The following LRRC8B variants were observed in gnomAD, a reference collection of about 807,000 sequenced individuals.
LRRC8B encodes volume-regulated anion channel subunit LRRC8B.
LRRC8B carries 23 observed loss-of-function variants against 58.8 expected under a neutral mutation model. That is an observed-to-expected ratio of 0.39 (90% confidence interval 0.28 to 0.55). The LOEUF is 0.55. Among genes scored for constraint, LRRC8B ranks in the 20% least tolerant of loss-of-function variants. LRRC8B has a pLI of 0.62. For missense variants in LRRC8B, 694 were observed against 936.0 expected (o/e 0.74, Z 3.37); for synonymous variants, 359 against 374.1 (o/e 0.96, Z 0.47).
chr1:89,568,288 C>CT lies in LRRC8B; in HGVS notation c.-196dup, dbSNP rs1653185876. On this transcript the variant is annotated 5_prime_UTR_variant, in exon 2 of 6. Transcript: ENST00000330947. ...TCTGTGAGAAGTCAGAAGGTGATCT[C>CT]TTTAATGCTTTCTTTTTAAGTAAGT... is the stretch of plus-strand genomic sequence containing the variant. The CT allele has an allele frequency of 6.6e-6, 1 of 152,090 alleles. No homozygotes were observed. Among genetic ancestry groups the CT allele is most frequent in the Non-Finnish European group, 1.5e-5 (1 of 67,980 alleles). The allele number at this position is 152,090 out of a possible 1,614,324, so 9.4% of individuals were successfully genotyped here.
intron 1 of LRRC8B, among the ~76,000 whole-genome samples, chr1:89,539,308 C>A (rs1650776768): frequency 6.6e-6 from 1 of 152,074 alleles, no homozygotes; most frequent in African/African-American, 2.4e-5. Context: ...CATCTGTATG[C>A]CCTGTTACTA....
rs761599638 is a variant in LRRC8B, at chr1:89,582,939, C to A, written c.289C>A (p.Leu97Ile). ...LPLPLRIQND[L>I]HRQQYSYIDA... ...GCTCCCCCTCCGAATTCAGAATGACCTCCACCGACAGCAGTACTCCTATAT... is the reference window on the plus strand; with the variant it reads ...GCTCCCCCTCCGAATTCAGAATGACATCCACCGACAGCAGTACTCCTATAT... The change falls in exon 5 of 6, where the codon CTC becomes ATC. Residue 97 changes from leucine (L) to isoleucine (I), a missense_variant. By Grantham distance (5) the Leu-to-Ile change is conservative (BLOSUM62 2). Transcript: ENST00000330947. 2 of 1,614,214 alleles carry A rather than the reference C, an allele frequency of 1.2e-6. No homozygotes were observed. The highest frequency in any genetic ancestry group is 2.2e-5 in the South Asian group (2 of 91,088).
intron 1 of LRRC8B, among the ~76,000 whole-genome samples, chr1:89,528,295 C>T (rs181017900): frequency 1.3e-5 from 2 of 152,328 alleles, no homozygotes; most frequent in East Asian, 3.9e-4. Flanking sequence ...TCTTCCTCTG[C>T]TCATCTCTCA....
chr1:89,579,207 G>A (rs1322961723), intron 3 of LRRC8B, among the ~76,000 whole-genome samples: 1 of 152,214 alleles, frequency 6.6e-6, no homozygotes, highest in Non-Finnish European at 1.5e-5. Context: ...TAGAAAAGCT[G>A]TGTTCATCTA....
At chr1:89,551,614 T>G (rs565681687) in intron 1 of LRRC8B, among the ~76,000 whole-genome samples, 1 of 152,182 alleles carries the variant, frequency 6.6e-6, no homozygotes. Context: ...GAATTCTCCC[T>G]GTCAAGAGAA....
chr1:89,593,039 G>T lies in LRRC8B; in HGVS notation c.2408G>T (p.Cys803Phe), dbSNP rs1469448727. ...TERLQTCLDK[C>F] ...CGTTTACAGACGTGCTTAGACAAAT[G>T]TTGACTTAAAGAAAAGAGACCCGTG... The change falls in exon 6 of 6, where the codon TGT becomes TTT. Residue 803 changes from cysteine to phenylalanine, a missense_variant. Cys to Phe is a radical substitution (Grantham distance 205). This residue lies in a region of LRRC8B where 139 missense variants were observed against 158.2 expected (regional missense o/e 0.88). Transcript: ENST00000330947. 1 of 1,609,410 alleles carries T rather than the reference G, an allele frequency of 6.2e-7. No individual in the cohort carries two copies.
Position 89,536,421 on chromosome 1 carries a change from G to T in LRRC8B, c.-241+11399G>T, listed in dbSNP as rs541592876. 2.5e-3 allele frequency among the ~76,000 whole-genome samples: 380 copies of T among 152,290 alleles called. 2 individuals are homozygous for T. Among genetic ancestry groups the T allele is most frequent in the African/African-American group, 8.0e-3 (333 of 41,574 alleles). On this transcript the variant is annotated intron_variant, in intron 1 of 5. Coordinates refer to ENST00000330947, the MANE Select transcript of LRRC8B (RefSeq NM_001369817.2). ...GAAACTTGCCTTAAAGTGATAGTAT[G>T]AAGATTGAGATAGATAATTTCATAA...
At chr1:89,574,878 G>A (rs1379374557) in intron 3 of LRRC8B, among the ~76,000 whole-genome samples, 1 of 152,178 alleles carries the variant, frequency 6.6e-6, no homozygotes, top group Non-Finnish European at 1.5e-5. Flanking sequence ...GAAAATAAAA[G>A]CAAAGGCATA....
chr1:89,541,083 C>T (rs1180551032), intron 1 of LRRC8B, among the ~76,000 whole-genome samples: 1 of 152,134 alleles, frequency 6.6e-6, no homozygotes, highest in Non-Finnish European at 1.5e-5. Flanking sequence ...TTTATGTCTT[C>T]TGACTGGAAA....
At chr1:89,562,182 C>CACACACA (rs1557607163) in intron 1 of LRRC8B, among the ~76,000 whole-genome samples, 2 of 150,740 alleles carry the variant, frequency 1.3e-5, no homozygotes, top group Non-Finnish European at 3.0e-5. Context: ...CACACACACA[C>CACACACA]CCTCTGCATT....
At chr1:89,528,487 C>T (rs954675071) in intron 1 of LRRC8B, among the ~76,000 whole-genome samples, 4 of 152,152 alleles carry the variant, frequency 2.6e-5, no homozygotes, top group African/African-American at 9.7e-5. Context: ...CAAGGTTTTA[C>T]CTAAGAGAAC....
intron 1 of LRRC8B, among the ~76,000 whole-genome samples, chr1:89,557,339 G>T (rs1051632898): frequency 9.2e-5 from 14 of 152,096 alleles, no homozygotes; most frequent in African/African-American, 3.1e-4. Flanking sequence ...TTCCTGGGTT[G>T]TTTTTTTCAA....
intron 1 of LRRC8B, among the ~76,000 whole-genome samples, chr1:89,539,208 C>T (rs1344732374): frequency 6.6e-6 from 1 of 152,146 alleles, no homozygotes; most frequent in Non-Finnish European, 1.5e-5. Flanking sequence ...AGAAGAAATT[C>T]TAGCCTTTTC....
In LRRC8B at chr1:89,584,029, C is replaced by T. The variant is rs1654441286; in HGVS notation, c.1379C>T (p.Ser460Leu). 1 of 1,614,058 alleles carries T rather than the reference C, an allele frequency of 6.2e-7. No homozygotes were observed. The highest frequency in any genetic ancestry group is 1.3e-5 in the African/African-American group (1 of 74,934). Residue 460 changes from serine to leucine, a missense_variant, in exon 5 of 6, where the codon TCA becomes TTA. Physicochemically the swap from Ser to Leu is moderately radical, Grantham distance 145 (BLOSUM62 -2). Around this residue, in one of 5 missense-constraint regions of LRRC8B, gnomAD observed 162 missense variants for 198.5 expected, o/e 0.82. Coordinates refer to ENST00000330947, the MANE Select transcript of LRRC8B (RefSeq NM_001369817.2). ...GAGGTGAAGCTGCCCTCTGCAGTCTCACAGCTGGTCAACCTCAAGGAGCTT... is the reference window on the plus strand; with the variant it reads ...GAGGTGAAGCTGCCCTCTGCAGTCTTACAGCTGGTCAACCTCAAGGAGCTT... ...IPEVKLPSAVSQLVNLKELRV... is the reference protein window; with the variant it reads ...IPEVKLPSAVLQLVNLKELRV...
intron 1 of LRRC8B, among the ~76,000 whole-genome samples, chr1:89,540,590 G>A (rs986438216): frequency 2.0e-4 from 31 of 152,306 alleles, no homozygotes; most frequent in African/African-American, 7.5e-4. Flanking sequence ...AGCCAGTGCT[G>A]ACCGTGGCAC....
Position 89,583,670 on chromosome 1 carries a change from T to C in LRRC8B, c.1020T>C (p.Ser340=). ...SSYSLWWMLR[S]SLKQYSFEAL... is the part of the protein sequence containing the mutation. The stretch of plus-strand genomic sequence containing the variant: ...ACAGCCTGTGGTGGATGCTGAGGAG[T>C]TCCCTGAAGCAATATTCCTTTGAGG... Residue 340 remains serine, a synonymous_variant, in exon 5 of 6, where the codon AGT becomes AGC. Coordinates refer to ENST00000330947, the MANE Select transcript of LRRC8B (RefSeq NM_001369817.2). The surrounding 1 kb of genome is among the most constrained non-coding windows in gnomAD (Gnocchi z 5.2). The C allele has an allele frequency of 3.1e-6, 5 of 1,613,866 alleles. No homozygotes were observed. The highest frequency in any genetic ancestry group is 4.2e-6 in the Non-Finnish European group (5 of 1,180,018).
intron 1 of LRRC8B, among the ~76,000 whole-genome samples, chr1:89,526,619 G>A (rs1455385483): frequency 6.6e-6 from 1 of 152,210 alleles, no homozygotes; most frequent in East Asian, 1.9e-4. Context: ...AATTGGGCCT[G>A]TGTAATTTTA....
In LRRC8B at chr1:89,593,039, G is replaced by A. The variant is rs1469448727; in HGVS notation, c.2408G>A (p.Cys803Tyr). 6.2e-7 allele frequency: 1 copy of A among 1,609,292 alleles called. No individual in the cohort carries two copies. Among genetic ancestry groups the A allele is most frequent in the African/African-American group, 1.3e-5 (1 of 74,712 alleles). The stretch of plus-strand genomic sequence containing the variant: ...CGTTTACAGACGTGCTTAGACAAAT[G>A]TTGACTTAAAGAAAAGAGACCCGTG... ...TERLQTCLDKC is the reference protein window; with the variant it reads ...TERLQTCLDKY Residue 803 changes from cysteine (C) to tyrosine (Y), a missense_variant, in exon 6 of 6, where the codon TGT (cysteine) becomes TAT (tyrosine). Transcript: ENST00000330947.
At chr1:89,547,526 T>C (rs1422278294) in intron 1 of LRRC8B, among the ~76,000 whole-genome samples, 2 of 152,236 alleles carry the variant, frequency 1.3e-5, no homozygotes, top group Non-Finnish European at 2.9e-5. Flanking sequence ...AATGTTACAA[T>C]GAAAATAAAT....
Sources: gnomAD v4.1 joint callset for allele counts (sites outside exome capture counted in the v4.1 genomes callset) on GRCh38, gnomAD v4.1.1 for gene constraint, gnomAD v4.1.1 regional missense constraint, Gnocchi (gnomAD v3.1) non-coding constraint, MANE v1.5 for transcripts, NCBI Gene and HGNC (gene_info 2026-07-23, HGNC 2026-07-21) for gene names.